Variants in FRMPD4 observed in about 807,000 individuals in gnomAD.
The protein encoded by FRMPD4 is FERM and PDZ domain containing 4, also known as FERM and PDZ domain-containing protein 4.
Under a neutral mutation model 94.1 loss-of-function variants are expected in FRMPD4, and 22 were observed. The observed-to-expected ratio is 0.23, with a 90% CI of 0.17 to 0.33. FRMPD4 has a LOEUF of 0.33. Among genes scored for constraint, FRMPD4 ranks in the 10% least tolerant of loss-of-function variants. FRMPD4 has a pLI of 1.00. For synonymous variants in FRMPD4, 631 were observed against 548.6 expected (o/e 1.15, Z -2.10); for missense variants, 1,111 against 1,339.9 (o/e 0.83, Z 2.67).
intron 3 of FRMPD4, among the ~76,000 whole-genome samples, chrX:11,995,766 G>A (rs1325586437): frequency 2.7e-5 from 3 of 111,864 alleles, no homozygotes; most frequent in Non-Finnish European, 5.7e-5. Context: ...GGCATCTGTC[G>A]TTCCTGGGGA....
At chrX:12,349,315 T>C (rs5933992) in intron 1 of FRMPD4, among the ~76,000 whole-genome samples, 37,293 of 109,326 alleles carry the variant, frequency 0.34, 5,095 homozygotes, top group African/African-American at 0.4. Flanking sequence ...AGACCTTCTA[T>C]TTGCACTGAA....
chrX:12,127,112 C>T (rs763277424), intron 3 of FRMPD4, among the ~76,000 whole-genome samples: 7 of 112,222 alleles, frequency 6.2e-5, no homozygotes, highest in African/African-American at 1.3e-4. Context: ...AATTGAAATA[C>T]TTGTTCATTC....
intron 2 of FRMPD4, among the ~76,000 whole-genome samples, chrX:12,517,753 G>T (rs757124425): frequency 8.9e-6 from 1 of 112,627 alleles, no homozygotes; most frequent in Non-Finnish European, 1.9e-5. Flanking sequence ...TGCCGCACTG[G>T]GGGGATTCAC....
chrX:12,478,984 G>A (rs1248699609), intron 1 of FRMPD4, among the ~76,000 whole-genome samples: 1 of 111,394 alleles, frequency 9.0e-6, no homozygotes, highest in Non-Finnish European at 1.9e-5. Flanking sequence ...ATGGAGTGGG[G>A]GAAGAGAGTC....
intron 1 of FRMPD4, among the ~76,000 whole-genome samples, chrX:12,321,013 C>G (rs1230690971): frequency 8.9e-6 from 1 of 112,232 alleles, no homozygotes; most frequent in African/African-American, 3.2e-5. Context: ...TCACTTTTCT[C>G]TATATACTTT....
At chrX:12,481,170 G>A (rs1186195207) in intron 1 of FRMPD4, among the ~76,000 whole-genome samples, 1 of 110,931 alleles carries the variant, frequency 9.0e-6, no homozygotes, top group Non-Finnish European at 1.9e-5. Context: ...TCGCATGTGA[G>A]GCATTTACCC....
chrX:12,675,278 C>G (rs973525454), intron 5 of FRMPD4, among the ~76,000 whole-genome samples: 5 of 111,068 alleles, frequency 4.5e-5, no homozygotes, highest in Non-Finnish European at 5.7e-5. Flanking sequence ...TATTCTTATC[C>G]CCATCTATTT....
chrX:12,305,661 G>A (rs143951287), intron 1 of FRMPD4, among the ~76,000 whole-genome samples: 4,581 of 103,912 alleles, frequency 0.044, 295 homozygotes, highest in African/African-American at 0.15. Flanking sequence ...GAGCTGAGGC[G>A]ATCCTCTTTC....
chrX:12,304,969 C>T (rs972273736), intron 1 of FRMPD4, among the ~76,000 whole-genome samples: 2 of 111,541 alleles, frequency 1.8e-5, no homozygotes, highest in African/African-American at 3.3e-5. Flanking sequence ...TGCAGCCCGC[C>T]GCAAGATTAG....
chrX:12,269,683 A>G (rs939727911), intron 1 of FRMPD4, among the ~76,000 whole-genome samples: 1 of 111,943 alleles, frequency 8.9e-6, no homozygotes, highest in Non-Finnish European at 1.9e-5. Flanking sequence ...ACTGGCATCT[A>G]GTGGGTGGAG....
chrX:12,260,251 C>T (rs1381508619), intron 1 of FRMPD4, among the ~76,000 whole-genome samples: 2 of 111,279 alleles, frequency 1.8e-5, no homozygotes, highest in Non-Finnish European at 3.8e-5. Flanking sequence ...ACCTGAATTT[C>T]AGAATATGTC....
chrX:12,317,803 A>T (rs5979587), intron 1 of FRMPD4, among the ~76,000 whole-genome samples: 1,907 of 111,730 alleles, frequency 0.017, 45 homozygotes, highest in African/African-American at 0.059. Flanking sequence ...AAAAGACGGA[A>T]AATAACAAAT....
At chrX:11,978,528 C>G (rs891898293) in intron 3 of FRMPD4, among the ~76,000 whole-genome samples, 9 of 110,314 alleles carry the variant, frequency 8.2e-5, no homozygotes, top group African/African-American at 3.0e-4. Flanking sequence ...GAAACCAATT[C>G]GAAGAATATA....
At chrX:12,669,560 A>G (rs752265079) in intron 4 of FRMPD4, among the ~76,000 whole-genome samples, 1 of 112,437 alleles carries the variant, frequency 8.9e-6, no homozygotes, top group Non-Finnish European at 1.9e-5. Flanking sequence ...TGGTCGGCAG[A>G]ATAATGATCG....
intron 3 of FRMPD4, among the ~76,000 whole-genome samples, chrX:12,104,795 T>C (rs1044464778): frequency 8.9e-6 from 1 of 112,134 alleles, no homozygotes; most frequent in African/African-American, 3.2e-5. Flanking sequence ...TCTCATTTTA[T>C]AGAGAAGTAA....
At chrX:11,976,309 TA>T (rs1229656444) in intron 3 of FRMPD4, among the ~76,000 whole-genome samples, 1 of 111,819 alleles carries the variant, frequency 8.9e-6, no homozygotes, top group Non-Finnish European at 1.9e-5. Flanking sequence ...AGTAAGGAAA[TA>T]AAAAAATTGG....
At chrX:12,318,396 A>C (rs2055158460) in intron 1 of FRMPD4, among the ~76,000 whole-genome samples, 1 of 111,608 alleles carries the variant, frequency 9.0e-6, no homozygotes, top group Admixed American at 9.5e-5. Flanking sequence ...GTGGTGGTGC[A>C]TGCCTGTGGT....
chrX:12,113,453 G>T (rs1210683205), intron 3 of FRMPD4, among the ~76,000 whole-genome samples: 2 of 111,464 alleles, frequency 1.8e-5, no homozygotes, highest in African/African-American at 6.5e-5. Flanking sequence ...GCCTTTTTCA[G>T]CTTCTAGGGG....
At chrX:12,376,121 G>C (rs1265926982) in intron 1 of FRMPD4, among the ~76,000 whole-genome samples, 1 of 112,024 alleles carries the variant, frequency 8.9e-6, no homozygotes, top group East Asian at 2.8e-4. Flanking sequence ...ATGTTTACTG[G>C]AATAAATGAA....
Sources: allele counts gnomAD v4.1 joint callset (sites outside exome capture counted in the v4.1 genomes callset), GRCh38; gene constraint gnomAD v4.1.1; transcripts MANE v1.5; gene names NCBI Gene and HGNC (gene_info 2026-07-23, HGNC 2026-07-21).